TSC22D1: variants seen among roughly 807,000 people sequenced by gnomAD.
TSC22D1 encodes the protein TSC22 domain family member 1, also known as TSC22 domain family protein 1.
A neutral mutation model predicts 74.2 loss-of-function variants in TSC22D1; 9 were observed. The observed-to-expected ratio is 0.12, with a 90% CI of 0.07 to 0.21. The LOEUF (loss-of-function observed/expected upper bound fraction) is 0.21. TSC22D1 is among the 10% of genes least tolerant of loss of function. TSC22D1 has a pLI of 1.00. For synonymous variants in TSC22D1, 586 were observed against 492.5 expected (o/e 1.19, Z -2.51); for missense variants, 1,427 against 1,304.7 (o/e 1.09, Z -1.44).
chr13:44,530,116 C>T (rs1318551568), intron 1 of TSC22D1, among the ~76,000 whole-genome samples: 4 of 151,956 alleles, frequency 2.6e-5, no homozygotes, highest in African/African-American at 7.3e-5. Context: ...AACACGATAC[C>T]GAAGAACCAA....
intron 1 of TSC22D1, among the ~76,000 whole-genome samples, chr13:44,513,394 A>C (rs1023358212): frequency 1.6e-4 from 25 of 152,232 alleles, no homozygotes; most frequent in African/African-American, 6.0e-4. Flanking sequence ...TTTGGTGATC[A>C]ATACTATACC....
chr13:44,456,382 TAC>T (rs1164552854), intron 1 of TSC22D1, among the ~76,000 whole-genome samples: 1 of 152,232 alleles, frequency 6.6e-6, no homozygotes, highest in African/African-American at 2.4e-5. Context: ...GGTCTGTTTT[TAC>T]AGAGTGCTGA....
At position 44,536,875 on chromosome 13, in the gene TSC22D1, C is replaced by T. The variant is rs529049860; in HGVS notation, c.2912+36288G>A. 5 of 970,916 alleles carry T rather than the reference C, an allele frequency of 5.1e-6. No individual in the cohort carries two copies. The African/African-American group carries it at 7.6e-5, about 15-fold the overall frequency. 60.1% of individuals were successfully genotyped at this position (970,916 alleles called of 1,614,324 possible). Reference sequence around the variant, plus strand: ...ACAGATCACCTATTTCATACATTCACTGGTGACCCCCACGAAGAATCACCT... The same window carrying T: ...ACAGATCACCTATTTCATACATTCATTGGTGACCCCCACGAAGAATCACCT... On this transcript the variant is annotated intron_variant, in intron 1 of 2. Transcript: ENST00000458659.
chr13:44,525,825 GCTCAGTGGTT>G (rs1263812094), intron 1 of TSC22D1, among the ~76,000 whole-genome samples: 2 of 150,750 alleles, frequency 1.3e-5, no homozygotes, highest in Admixed American at 1.3e-4. Flanking sequence ...AAATAGCCAG[GCTCAGTGGTT>G]CACACCTGTA....
At chr13:44,510,494 C>T (rs935032707) in intron 1 of TSC22D1, among the ~76,000 whole-genome samples, 2 of 152,052 alleles carry the variant, frequency 1.3e-5, no homozygotes, top group African/African-American at 2.4e-5. Flanking sequence ...GATTAATGCA[C>T]AAATATGAAT....
chr13:44,507,180 A>G (rs1879485012), intron 1 of TSC22D1, among the ~76,000 whole-genome samples: 2 of 152,212 alleles, frequency 1.3e-5, no homozygotes, highest in African/African-American at 2.4e-5. Flanking sequence ...CTTCAGGAGT[A>G]AGTAGACAGA....
chr13:44,569,065 AAGGTGTATTTT>A (rs1883570521), intron 1 of TSC22D1, among the ~76,000 whole-genome samples: 1 of 152,180 alleles, frequency 6.6e-6, no homozygotes, highest in African/African-American at 2.4e-5. Context: ...AAAGAAATGA[AAGGTGTATTTT>A]ATTTAACAAA....
chr13:44,552,338 T>C (rs1882337433), intron 1 of TSC22D1, among the ~76,000 whole-genome samples: 1 of 152,230 alleles, frequency 6.6e-6, no homozygotes, highest in African/African-American at 2.4e-5. Flanking sequence ...CATCAAGGGT[T>C]AACTCTCCAA....
intron 1 of TSC22D1, among the ~76,000 whole-genome samples, chr13:44,509,950 C>CAAAAAAAAAAAAAAAAAAAAAACCAA: frequency 1.9e-5 from 1 of 51,426 alleles, no homozygotes; most frequent in Non-Finnish European, 3.6e-5. Context: ...AGAAAATAAG[C>CAAAAAAAAAAAAAAAAAAAAAACCAA]AAAAAAAAAA....
chr13:44,541,638 G>A (rs1247405960), intron 1 of TSC22D1, among the ~76,000 whole-genome samples: 1 of 152,072 alleles, frequency 6.6e-6, no homozygotes, highest in Non-Finnish European at 1.5e-5. Flanking sequence ...GCTTTAAAAA[G>A]TATTTTACAG....
At chr13:44,505,418 G>A (rs989146718) in intron 1 of TSC22D1, among the ~76,000 whole-genome samples, 3 of 152,136 alleles carry the variant, frequency 2.0e-5, no homozygotes, top group Non-Finnish European at 2.9e-5. Flanking sequence ...GCCAGGCGTG[G>A]TGGTGCGTGT....
intron 1 of TSC22D1, among the ~76,000 whole-genome samples, chr13:44,553,825 C>T (rs1882445778): frequency 6.6e-6 from 1 of 152,154 alleles, no homozygotes; most frequent in Non-Finnish European, 1.5e-5. Context: ...AATCCCTGAT[C>T]GCTCCACTGT....
At chr13:44,503,251 C>T (rs1331147558) in intron 1 of TSC22D1, among the ~76,000 whole-genome samples, 2 of 152,124 alleles carry the variant, frequency 1.3e-5, no homozygotes, top group African/African-American at 2.4e-5. Context: ...AATATAAAGG[C>T]TGCTATTTCA....
intron 1 of TSC22D1, among the ~76,000 whole-genome samples, chr13:44,517,849 A>AT (rs1566149882): frequency 1.8e-4 from 4 of 22,784 alleles, no homozygotes; most frequent in Admixed American, 5.3e-4. Flanking sequence ...ATATATATAT[A>AT]TATATATATT....
At chr13:44,438,729 C>CT (rs11388253) in intron 1 of TSC22D1, among the ~76,000 whole-genome samples, 3,937 of 152,066 alleles carry the variant, frequency 0.026, 144 homozygotes, top group African/African-American at 0.085. Context: ...CAAAAGGAGA[C>CT]TAAGTAGAAG....
In TSC22D1 at chr13:44,450,899, GCCACA is replaced by G. The variant is rs1358601324; in HGVS notation, c.2913-14809_2913-14805del. Among the ~76,000 whole-genome samples, 4 of 152,188 alleles carry G rather than the reference GCCACA, an allele frequency of 2.6e-5. No individual in the cohort carries two copies. In the South Asian group the frequency reaches 8.3e-4, roughly 32 times the overall value. ...AGGCAAGAGATGGTGGAGCTGGGCG[GCCACA>G]CACACTGGGGCAGCCGTTTGGCATA... On this transcript the variant is annotated intron_variant, in intron 1 of 2. Transcript: ENST00000458659.
intron 1 of TSC22D1, chr13:44,538,602 A>G: frequency 5.1e-6 from 5 of 985,406 alleles, no homozygotes; most frequent in Non-Finnish European, 6.0e-6. Flanking sequence ...AATAGAAAGA[A>G]ATATTTTCAT....
chr13:44,476,386 G>T (rs1159307046), intron 1 of TSC22D1, among the ~76,000 whole-genome samples: 1 of 151,962 alleles, frequency 6.6e-6, no homozygotes, highest in Non-Finnish European at 1.5e-5. Context: ...TTTGTAACTT[G>T]AAATAAACAG....
At chr13:44,502,871 T>C (rs1879277378) in intron 1 of TSC22D1, among the ~76,000 whole-genome samples, 1 of 152,248 alleles carries the variant, frequency 6.6e-6, no homozygotes, top group Non-Finnish European at 1.5e-5. Context: ...TTTAATGATC[T>C]GCTTTTTTAA....
Sources: gnomAD v4.1 joint callset for allele counts (sites outside exome capture counted in the v4.1 genomes callset) on GRCh38, gnomAD v4.1.1 for gene constraint, MANE v1.5 for transcripts, NCBI Gene and HGNC (gene_info 2026-07-23, HGNC 2026-07-21) for gene names.